PLPP2: variants seen among roughly 807,000 people sequenced by gnomAD.
PLPP2 encodes the protein PAP2-gamma.
In PLPP2, 29 loss-of-function variants were observed where a neutral mutation model predicts 35.2. The observed-to-expected ratio is 0.82, with a 90% CI of 0.61 to 1.12. The LOEUF (loss-of-function observed/expected upper bound fraction) is 1.12, where lower values mean the gene tolerates loss of function less well. Among genes scored for constraint, PLPP2 ranks in the 50% most tolerant of loss-of-function variants. The pLI, the probability that PLPP2 is intolerant of heterozygous loss-of-function variation, is 0.00. For synonymous variants in PLPP2, 162 were observed against 167.0 expected (o/e 0.97, Z 0.23); for missense variants, 353 against 375.2 (o/e 0.94, Z 0.49).
At chr19:290,990 G>T in intron 1 of PLPP2, 1 of 1,250,388 alleles carries the variant, frequency 8.0e-7, no homozygotes, top group East Asian at 3.2e-5. Context: ...GCGCGCGCGC[G>T]GCCCCTCCGC....
intron 1 of PLPP2, among the ~76,000 whole-genome samples, chr19:289,762 C>T (rs952052504): frequency 5.3e-5 from 8 of 152,006 alleles, no homozygotes; most frequent in African/African-American, 9.7e-5. Flanking sequence ...GCGGAGAGGG[C>T]GGGATGTAAG....
At position 287,844 on chromosome 19, in the gene PLPP2, TG is replaced by T; in HGVS notation, c.205-94del. The T allele has an allele frequency of 1.3e-6, 2 of 1,541,420 alleles. No homozygotes were observed. The highest frequency in any genetic ancestry group is 8.8e-7 in the Non-Finnish European group (1 of 1,141,304). On this transcript the variant is annotated intron_variant, in intron 2 of 5. Transcript: ENST00000434325. The surrounding 1 kb of genome is among the most constrained non-coding windows in gnomAD (Gnocchi z 4.3). ...GGCCTCCCCAAGGCTGCTGGAGAGC[TG>T]GGGACTCTGAAGGGGGCCCTATTAC... is the stretch of plus-strand genomic sequence containing the variant.
At chr19:284,518 C>A (rs1182931210) in intron 3 of PLPP2, 1 of 152,228 alleles carries the variant, frequency 6.6e-6, no homozygotes, top group Non-Finnish European at 1.5e-5. Context: ...CAGCGATCCT[C>A]CTGCCTCACC....
chr19:289,999 T>G (rs1437526120), intron 1 of PLPP2, among the ~76,000 whole-genome samples: 1 of 152,086 alleles, frequency 6.6e-6, no homozygotes, highest in Non-Finnish European at 1.5e-5. Context: ...GGCACCCCCA[T>G]AACGACAGGC....
rs749149441 is a variant in PLPP2, at chr19:287,768, A to G, written c.205-17T>C. The G allele has an allele frequency of 1.2e-6, 2 of 1,612,388 alleles. No homozygotes were observed. Among genetic ancestry groups the G allele is most frequent in the Non-Finnish European group, 1.7e-6 (2 of 1,179,148 alleles). On this transcript the variant is annotated splice_polypyrimidine_tract_variant and intron_variant, in intron 2 of 5. Coordinates refer to ENST00000434325, the MANE Select transcript of PLPP2 (RefSeq NM_003712.4). This position sits in a 1 kb window ranked among gnomAD's most constrained non-coding sequence, Gnocchi z 4.3. ...GGCCGAGACCTGCAAGAGCAGCCGC[A>G]GGAACCAGTGGGGGTCTCGGTCGGC...
Position 287,178 on chromosome 19 carries a change from A to G in PLPP2, c.482+296T>C, listed in dbSNP as rs1038612196. 11 of 325,932 alleles carry G rather than the reference A, an allele frequency of 3.4e-5. No homozygotes were observed. Among genetic ancestry groups the G allele is most frequent in the Non-Finnish European group, 6.2e-5 (11 of 177,044 alleles). 20.2% of individuals were successfully genotyped at this position (325,932 alleles called of 1,614,324 possible). A position where few individuals can be genotyped will look rare whatever the true frequency, so the allele number is the denominator to read the frequency against. On this transcript the variant is annotated intron_variant, in intron 3 of 5. Transcript: ENST00000434325. The surrounding 1 kb of genome is among the most constrained non-coding windows in gnomAD (Gnocchi z 4.3). ...GACAAAAATTGTTGAGACAAAACTC[A>G]TATATCTCATTCTATGATGATGAAA...
At chr19:291,059 AC>A in intron 1 of PLPP2, 5 of 1,291,840 alleles carry the variant, frequency 3.9e-6, no homozygotes, top group African/African-American at 3.1e-5. Flanking sequence ...GCCTCTCGCG[AC>A]CCCCATCCCC....
chr19:288,368 C>A (rs1352195362), intron 1 of PLPP2, 197 bp from the exon 2 acceptor site: 5 of 458,186 alleles, frequency 1.1e-5, no homozygotes, highest in Admixed American at 7.7e-5. Flanking sequence ...CGCTCTGCCC[C>A]TCACATCCTG....
intron 1 of PLPP2, among the ~76,000 whole-genome samples, chr19:289,148 G>A (rs376230635): frequency 6.6e-6 from 1 of 152,200 alleles, no homozygotes; most frequent in South Asian, 2.1e-4. Context: ...AGTCATCTAC[G>A]GAGAACGGGG....
intron 1 of PLPP2, among the ~76,000 whole-genome samples, chr19:290,689 T>C (rs1970371145): frequency 6.6e-6 from 1 of 152,190 alleles, no homozygotes; most frequent in Non-Finnish European, 1.5e-5. Flanking sequence ...TTGGTTCTCC[T>C]GGCCTCCCGG....
intron 4 of PLPP2, 37 bp downstream of exon 4, chr19:282,715 T>G (rs746275590): frequency 7.6e-6 from 12 of 1,586,678 alleles, no homozygotes; most frequent in Non-Finnish European, 9.5e-6. Flanking sequence ...TTAGCCATGG[T>G]TCCCCCGAAA....
At chr19:284,527 C>A (rs1471570742) in intron 3 of PLPP2, 2 of 152,138 alleles carry the variant, frequency 1.3e-5, no homozygotes, top group African/African-American at 4.8e-5. Flanking sequence ...TCCTGCCTCA[C>A]CCTCCCAAAT....
chr19:287,352 T>A lies in PLPP2; in HGVS notation c.482+122A>T. ...AGAATGCACTAACTTATACAAAAAT[T>A]AGCCGGGCGTGGTGGCGCACGCCTG... On this transcript the variant is annotated intron_variant, in intron 3 of 5. Transcript: ENST00000434325. This position sits in a 1 kb window ranked among gnomAD's most constrained non-coding sequence, Gnocchi z 4.3. The A allele has an allele frequency of 8.0e-7, 1 of 1,248,316 alleles. No individual in the cohort carries two copies. The highest frequency in any genetic ancestry group is 1.5e-5 in the South Asian group (1 of 68,596). The allele number at this position is 1,248,316 out of a possible 1,614,324, so 77.3% of individuals were successfully genotyped here.
chr19:291,252 T>A (rs762809110), intron 1 of PLPP2, 33 bp downstream of exon 1: 20 of 1,595,030 alleles, frequency 1.3e-5, no homozygotes, highest in Non-Finnish European at 1.6e-5. Flanking sequence ...CCCGGGAGGG[T>A]CCCCCCAACA....
intron 1 of PLPP2, 105 bp downstream of exon 1, chr19:291,180 G>A (rs1202106878): frequency 4.4e-5 from 68 of 1,559,248 alleles, no homozygotes; most frequent in Non-Finnish European, 5.2e-5. Context: ...TCCTCGGAGG[G>A]ACGAGGGCGC....
In PLPP2 at chr19:291,283, A is replaced by G; in HGVS notation, c.52+2T>C. 6.2e-7 allele frequency: 1 copy of G among 1,600,500 alleles called. No homozygotes were observed. The highest frequency in any genetic ancestry group is 8.5e-7 in the Non-Finnish European group (1 of 1,174,724). On this transcript the variant is annotated splice_donor_variant, in intron 1 of 5. Transcript: ENST00000434325. LOFTEE classifies it high-confidence loss of function. ...CAACACCCGGGTCCCCAAGGCTCTTACCGACCAGTAAGCACAGCACGTCGA... is the reference window on the plus strand; with the variant it reads ...CAACACCCGGGTCCCCAAGGCTCTTGCCGACCAGTAAGCACAGCACGTCGA...
chr19:282,142 C>G lies in PLPP2; in HGVS notation c.709G>C (p.Ala237Pro). 1 of 1,613,436 alleles carries G rather than the reference C, an allele frequency of 6.2e-7. No individual in the cohort carries two copies. Among genetic ancestry groups the G allele is most frequent in the Non-Finnish European group, 8.5e-7 (1 of 1,179,774 alleles). Residue 237 changes from alanine (A) to proline (P), a missense_variant, in exon 5 of 6, where the codon GCC becomes CCC. Ala to Pro is a conservative substitution (Grantham distance 27). Coordinates refer to ENST00000434325, the MANE Select transcript of PLPP2 (RefSeq NM_003712.4). ...TAGGGTTAGAAGCTCACAGTGAGGG[C>G]AGCCACCAGTGCCCCCTGCAGGAGG... ...VGLLQGALVA[A>P]LTVCYISDFF...
In PLPP2 at chr19:281,262, G is replaced by A; in HGVS notation, c.*126C>T. ...CAGGGGGCAGCGGAGCCCGCTCACT[G>A]CTCCCATCAGCCCAGGGTTCCTGGA... On this transcript the variant is annotated 3_prime_UTR_variant, in exon 6 of 6. Coordinates refer to ENST00000434325, the MANE Select transcript of PLPP2 (RefSeq NM_003712.4). 10 of 961,632 alleles carry A rather than the reference G, an allele frequency of 1.0e-5. No individual in the cohort carries two copies. The highest frequency in any genetic ancestry group is 1.4e-5 in the Non-Finnish European group (10 of 731,140). The allele number at this position is 961,632 out of a possible 1,614,324, so 59.6% of individuals were successfully genotyped here.
At chr19:289,793 A>G (rs1445103337) in intron 1 of PLPP2, among the ~76,000 whole-genome samples, 1 of 152,120 alleles carries the variant, frequency 6.6e-6, no homozygotes, top group Non-Finnish European at 1.5e-5. Context: ...CTGCTCCCAC[A>G]CAGGAGGGGC....
Sources: gnomAD v4.1 joint callset for allele counts (sites outside exome capture counted in the v4.1 genomes callset) on GRCh38, gnomAD v4.1.1 for gene constraint, Gnocchi (gnomAD v3.1) non-coding constraint, MANE v1.5 for transcripts, NCBI Gene and HGNC (gene_info 2026-07-23, HGNC 2026-07-21) for gene names.